The following SRRM4 variants were observed in gnomAD, a reference collection of about 807,000 sequenced individuals.
SRRM4 encodes serine/arginine repetitive matrix 4.
SRRM4 carries 33 observed loss-of-function variants against 68.9 expected under a neutral mutation model. That is an observed-to-expected ratio of 0.48 (90% CI 0.36 to 0.64). The LOEUF (loss-of-function observed/expected upper bound fraction) is 0.64, where lower values mean the gene tolerates loss of function less well. Ranked by LOEUF, SRRM4 falls within the 30% of genes least tolerant of loss-of-function variation. SRRM4 has a pLI of 0.00. For synonymous variants in SRRM4, 318 were observed against 318.8 expected, an observed-to-expected ratio of 1.00 and a Z score of 0.03; for missense variants, 817 against 827.1, an observed-to-expected ratio of 0.99 and a Z score of 0.15.
chr12:119,125,603 A>T (rs1378895358), intron 7 of SRRM4, 124 bp downstream of exon 7: 2 of 761,380 alleles, frequency 2.6e-6, no homozygotes, highest in Admixed American at 2.6e-5. Context: ...CAGACTCAGC[A>T]GCTGGCACCA....
At chr12:119,127,728 C>CA (rs140110081) in intron 7 of SRRM4, among the ~76,000 whole-genome samples, 112 of 131,058 alleles carry the variant, frequency 8.5e-4, no homozygotes, top group Admixed American at 1.9e-3. Context: ...AAGTCTGTCT[C>CA]AAAAAAAAAA....
At chr12:118,996,795 T>A (rs11831484) in intron 1 of SRRM4, among the ~76,000 whole-genome samples, 2,111 of 152,314 alleles carry the variant, frequency 0.014, 48 homozygotes, top group African/African-American at 0.047. Flanking sequence ...TCCACAGTTT[T>A]CTCTTTCATA....
rs750500065 is a variant in SRRM4, at chr12:119,125,364, C to T, written c.516-17C>T. 1 of 1,608,948 alleles carries T rather than the reference C, an allele frequency of 6.2e-7. No homozygotes were observed. Among genetic ancestry groups the T allele is most frequent in the Admixed American group, 1.7e-5 (1 of 59,706 alleles). ...CTCTCTCCTCTCCTCTGACTCGTTC[C>T]TTCTCATCCCCCCAAGATCTCGAAG... is the stretch of plus-strand genomic sequence containing the variant. On this transcript the variant is annotated splice_polypyrimidine_tract_variant and intron_variant, in intron 6 of 12. Transcript: ENST00000267260.
At chr12:119,062,225 T>G (rs944379804) in intron 1 of SRRM4, among the ~76,000 whole-genome samples, 1 of 152,196 alleles carries the variant, frequency 6.6e-6, no homozygotes, top group African/African-American at 2.4e-5. Flanking sequence ...TAAAAGTGGT[T>G]TATCTGTATA....
rs566869549 is a variant in SRRM4, at chr12:119,056,415, C to A, written c.132-45821C>A. On this transcript the variant is annotated intron_variant, in intron 1 of 12. Transcript: ENST00000267260. ...GAAACCAAAAGATTAGTGACAGGTC[C>A]ATCGTGATGGTCTTATGTAACATTC... 2.5e-4 allele frequency among the ~76,000 whole-genome samples: 38 copies of A among 152,278 alleles called. No individual in the cohort carries two copies. In the South Asian group the frequency reaches 4.8e-3, roughly 19 times the overall value.
At chr12:119,048,787 T>C (rs1052541762) in intron 1 of SRRM4, among the ~76,000 whole-genome samples, 1 of 152,130 alleles carries the variant, frequency 6.6e-6, no homozygotes, top group African/African-American at 2.4e-5. Context: ...TAGTCTGGCA[T>C]GGTAGCACTT....
chr12:119,102,078 T>A (rs1393817213), intron 1 of SRRM4, among the ~76,000 whole-genome samples, 158 bp from the exon 2 acceptor site: 3 of 152,180 alleles, frequency 2.0e-5, no homozygotes, highest in Non-Finnish European at 4.4e-5. Context: ...TTACATGTGT[T>A]CCCTCCTGCT....
At chr12:119,075,581 G>T (rs199587055) in intron 1 of SRRM4, among the ~76,000 whole-genome samples, 45,209 of 143,916 alleles carry the variant, frequency 0.31, 6,883 homozygotes, top group Non-Finnish European at 0.33. Context: ...GGTGATGATG[G>T]TGATGATGAT....
chr12:119,019,307 G>A (rs779071618), intron 1 of SRRM4, among the ~76,000 whole-genome samples: 3 of 152,174 alleles, frequency 2.0e-5, no homozygotes, highest in Admixed American at 1.3e-4. Context: ...TCAAAGACAC[G>A]TCAACCATCC....
At chr12:119,041,921 G>C (rs999783664) in intron 1 of SRRM4, among the ~76,000 whole-genome samples, 1 of 152,172 alleles carries the variant, frequency 6.6e-6, no homozygotes, top group African/African-American at 2.4e-5. Flanking sequence ...CCTACCAGGG[G>C]CCTTGCTTTA....
At chr12:119,045,351 T>G (rs1953698813) in intron 1 of SRRM4, among the ~76,000 whole-genome samples, 1 of 151,324 alleles carries the variant, frequency 6.6e-6, no homozygotes, top group Non-Finnish European at 1.5e-5. Context: ...ACTTAAATTT[T>G]AACAGTATCT....
chr12:119,143,616 T>C (rs1174119805), intron 8 of SRRM4, among the ~76,000 whole-genome samples: 1 of 152,096 alleles, frequency 6.6e-6, no homozygotes, highest in African/African-American at 2.4e-5. Context: ...TCCAACACCA[T>C]GATGGGGCTT....
At chr12:119,115,560 C>T (rs937998456) in intron 3 of SRRM4, among the ~76,000 whole-genome samples, 1 of 152,162 alleles carries the variant, frequency 6.6e-6, no homozygotes, top group African/African-American at 2.4e-5. Context: ...ACAGACACCC[C>T]TTAGCCTCAT....
Position 118,982,669 on chromosome 12 carries a change from G to A in SRRM4, c.131+656G>A, listed in dbSNP as rs79040691. On this transcript the variant is annotated intron_variant, in intron 1 of 12. Coordinates refer to ENST00000267260, the MANE Select transcript of SRRM4 (RefSeq NM_194286.4). ...GATGATCTTGGAAGAGTTTTATTTTGTTTTTTTTTGTTTTTTTTTTTTTTT... is the reference window on the plus strand; with the variant it reads ...GATGATCTTGGAAGAGTTTTATTTTATTTTTTTTTGTTTTTTTTTTTTTTT... Among the ~76,000 whole-genome samples, 127 of 115,722 alleles carry A rather than the reference G, an allele frequency of 1.1e-3. 2 individuals are homozygous for A. Among genetic ancestry groups the A allele is most frequent in the African/African-American group, 4.1e-3 (123 of 30,222 alleles). 75.9% of individuals were successfully genotyped at this position (115,722 alleles called of 152,430 possible).
At chr12:119,066,205 T>C (rs61659020) in intron 1 of SRRM4, among the ~76,000 whole-genome samples, 1 of 152,200 alleles carries the variant, frequency 6.6e-6, no homozygotes, top group Admixed American at 6.5e-5. Flanking sequence ...ATAATAACAA[T>C]AGCTATTATT....
At chr12:119,036,108 T>C (rs990763109) in intron 1 of SRRM4, among the ~76,000 whole-genome samples, 1 of 152,192 alleles carries the variant, frequency 6.6e-6, no homozygotes, top group African/African-American at 2.4e-5. Context: ...GAGTTTTGCC[T>C]GCATGGAAAA....
chr12:119,061,188 C>A (rs11064651), intron 1 of SRRM4, among the ~76,000 whole-genome samples: 41,363 of 152,054 alleles, frequency 0.27, 5,831 homozygotes, highest in East Asian at 0.43. Flanking sequence ...CCTGTCAAGC[C>A]CCAGACCGAA....
chr12:119,126,634 A>G (rs1371114286), intron 7 of SRRM4, among the ~76,000 whole-genome samples: 1 of 152,214 alleles, frequency 6.6e-6, no homozygotes, highest in Non-Finnish European at 1.5e-5. Context: ...CTATGCTAAT[A>G]CATTGGTTGT....
chr12:119,025,598 C>A (rs1339788948), intron 1 of SRRM4, among the ~76,000 whole-genome samples: 2 of 152,024 alleles, frequency 1.3e-5, no homozygotes, highest in Non-Finnish European at 1.5e-5. Flanking sequence ...GCATGTGCCA[C>A]CATGACCAGC....
Sources: allele counts gnomAD v4.1 joint callset (sites outside exome capture counted in the v4.1 genomes callset), GRCh38; gene constraint gnomAD v4.1.1; transcripts MANE v1.5; gene names NCBI Gene and HGNC (gene_info 2026-07-23, HGNC 2026-07-21).